Variants in CIPC observed in about 807,000 individuals in gnomAD.
CIPC encodes the protein CLOCK interacting pacemaker, also known as CLOCK-interacting pacemaker.
CIPC carries 12 observed loss-of-function variants against 26.7 expected under a neutral mutation model. That is an observed-to-expected ratio of 0.45 (90% CI 0.29 to 0.73). The LOEUF (loss-of-function observed/expected upper bound fraction) is 0.73. Ranked by LOEUF, CIPC falls within the 30% of genes least tolerant of loss-of-function variation. CIPC has a pLI of 0.12. For missense variants in CIPC, 417 were observed against 486.5 expected (o/e 0.86, Z 1.34); for synonymous variants, 170 against 189.8 (o/e 0.90, Z 0.86).
At chr14:77,098,488 G>T in intron 1 of CIPC, 127 bp downstream of exon 1, 1 of 153,678 alleles carries the variant, frequency 6.5e-6, no homozygotes. Flanking sequence ...GTAGGCAAGA[G>T]GGGCAAACCG....
intron 2 of CIPC, among the ~76,000 whole-genome samples, chr14:77,108,489 C>T (rs1886634739): frequency 1.3e-5 from 2 of 152,004 alleles, no homozygotes; most frequent in Admixed American, 6.6e-5. Flanking sequence ...GTCAGGAATT[C>T]GAGACCAGCC....
rs1009897142 is a variant in CIPC at position 77,113,756 on chromosome 14, C to T, written c.638C>T (p.Ser213Leu). Reference protein sequence around the residue: ...TKAGAVPSSPSTPAPPSAKLA... With the variant: ...TKAGAVPSSPLTPAPPSAKLA... ...GCTGGTGCTGTCCCATCCAGTCCCT[C>T]GACGCCAGCACCACCCAGCGCCAAA... Residue 213 changes from serine (S) to leucine (L), a missense_variant, in exon 4 of 4, where the codon TCG (serine) becomes TTG (leucine). Transcript: ENST00000361786. 1.1e-5 allele frequency: 17 copies of T among 1,612,812 alleles called. No individual in the cohort carries two copies. The highest frequency in any genetic ancestry group is 3.3e-5 in the South Asian group (3 of 90,972).
Position 77,115,667 on chromosome 14 carries a change from C to A in CIPC, c.*1349C>A. ...CTTTACAAAATTATCTTAATAAGTT[C>A]TATATGGTCAGCTTCATCTTCCTTT... On this transcript the variant is annotated 3_prime_UTR_variant, in exon 4 of 4. Coordinates refer to ENST00000361786, the MANE Select transcript of CIPC (RefSeq NM_033426.3). 6.6e-6 allele frequency: 1 copy of A among 151,012 alleles called. No individual in the cohort carries two copies. Among genetic ancestry groups the A allele is most frequent in the East Asian group, 1.9e-4 (1 of 5,168 alleles). The allele number at this position is 151,012 out of a possible 1,614,324, so 9.4% of individuals were successfully genotyped here.
rs187759864 is a variant in CIPC, at chr14:77,103,360, C to G, written c.-52-2297C>G. On this transcript the variant is annotated intron_variant, in intron 1 of 3. Transcript: ENST00000361786. ...TTAGCAGGAATGTCCAGACTTGGCA[C>G]TCCAGGGTATTCCAGATACAGTGGT... is the stretch of plus-strand genomic sequence containing the variant. Among the ~76,000 whole-genome samples the G allele has an allele frequency of 6.6e-5, 10 of 152,318 alleles. 1 individual carries two copies. In the East Asian group the frequency reaches 1.9e-3, roughly 29 times the overall value.
At position 77,112,404 on chromosome 14, in the gene CIPC, TCAGA is replaced by T. The variant is rs1414483428; in HGVS notation, c.307-1016_307-1013del. ...AGAATGGCTCAGATGGGTTTTAGAG[TCAGA>T]CAGAGGATGGAATCCTAACTGCATC... On this transcript the variant is annotated intron_variant, in intron 3 of 3. Coordinates refer to ENST00000361786, the MANE Select transcript of CIPC (RefSeq NM_033426.3). Among the ~76,000 whole-genome samples the T allele has an allele frequency of 3.9e-5, 6 of 152,040 alleles. No homozygotes were observed. The East Asian group carries it at 5.8e-4, about 15-fold the overall frequency.
rs1594824451 is a variant in CIPC at position 77,116,856 on chromosome 14, G to T, written c.*2538G>T. On this transcript the variant is annotated 3_prime_UTR_variant, in exon 4 of 4. Transcript: ENST00000361786. ...TTGCCCAAGGCTGTAAGTAGTGATGGTTTTAGCGATGAATAACGTAATTGG... is the reference window on the plus strand; with the variant it reads ...TTGCCCAAGGCTGTAAGTAGTGATGTTTTTAGCGATGAATAACGTAATTGG... The T allele has an allele frequency of 6.6e-6, 1 of 152,194 alleles. No homozygotes were observed. Among genetic ancestry groups the T allele is most frequent in the South Asian group, 2.1e-4 (1 of 4,832 alleles). 9.4% of individuals were successfully genotyped at this position (152,194 alleles called of 1,614,324 possible).
At chr14:77,100,556 T>C (rs1320663917) in intron 1 of CIPC, among the ~76,000 whole-genome samples, 1 of 149,628 alleles carries the variant, frequency 6.7e-6, no homozygotes. Flanking sequence ...ATTCTCTCTT[T>C]TCTTTTCTTT....
At chr14:77,106,046 T>G (rs1886585325) in intron 2 of CIPC, 1 of 425,140 alleles carries the variant, frequency 2.4e-6, no homozygotes, top group African/African-American at 2.0e-5. Flanking sequence ...AAAGAATTAT[T>G]TAACATCTTT....
At chr14:77,111,325 A>G (rs774166670) in intron 3 of CIPC, among the ~76,000 whole-genome samples, 1 of 152,226 alleles carries the variant, frequency 6.6e-6, no homozygotes, top group Non-Finnish European at 1.5e-5. Context: ...GACCCGCCAG[A>G]AAAGCTGCTG....
In CIPC at chr14:77,105,772, A is replaced by C; in HGVS notation, c.64A>C (p.Thr22Pro). Residue 22 changes from threonine (T) to proline (P), a missense_variant, in exon 2 of 4, where the codon ACA becomes CCA. By Grantham distance (38) the Thr-to-Pro change is conservative (BLOSUM62 -1). Coordinates refer to ENST00000361786, the MANE Select transcript of CIPC (RefSeq NM_033426.3). ...RRLSAKVGKG[T>P]EMKKVARQLG... is the part of the protein sequence containing the mutation. ...ACTCTCTGCCAAAGTAGGCAAAGGC[A>C]CAGAGATGAAGAAAGTGGCTCGTCA... 5 of 1,614,188 alleles carry C rather than the reference A, an allele frequency of 3.1e-6. No individual in the cohort carries two copies. Among genetic ancestry groups the C allele is most frequent in the Non-Finnish European group, 4.2e-6 (5 of 1,180,016 alleles).
Position 77,114,526 on chromosome 14 carries a change from C to G in CIPC, c.*208C>G, listed in dbSNP as rs184129771. ...ACATATGTCCCCGTCCCACTGAGGA[C>G]CTCAGTTTGGGAGTGCCCTTGAGCC... is the stretch of plus-strand genomic sequence containing the variant. On this transcript the variant is annotated 3_prime_UTR_variant, in exon 4 of 4. Transcript: ENST00000361786. 1 of 554,808 alleles carries G rather than the reference C, an allele frequency of 1.8e-6. No individual in the cohort carries two copies. Among genetic ancestry groups the G allele is most frequent in the Non-Finnish European group, 3.1e-6 (1 of 317,818 alleles). 34.4% of individuals were successfully genotyped at this position (554,808 alleles called of 1,614,324 possible).
At chr14:77,106,072 T>TTA in intron 2 of CIPC, 1 of 356,828 alleles carries the variant, frequency 2.8e-6, no homozygotes, top group Non-Finnish European at 5.0e-6. Flanking sequence ...ACTTAGACTC[T>TTA]GAATCTTACA....
At chr14:77,103,492 T>C (rs972413179) in intron 1 of CIPC, among the ~76,000 whole-genome samples, 2 of 152,192 alleles carry the variant, frequency 1.3e-5, no homozygotes, top group African/African-American at 4.8e-5. Flanking sequence ...TCTTCCCAGT[T>C]TCATTATTGT....
At chr14:77,106,199 T>C (rs762356102) in intron 2 of CIPC, 1 of 169,770 alleles carries the variant, frequency 5.9e-6, no homozygotes, top group Admixed American at 6.2e-5. Context: ...CTACTGCATG[T>C]AGTTTCCATG....
At chr14:77,108,422 T>A (rs1886633343) in intron 2 of CIPC, among the ~76,000 whole-genome samples, 1 of 152,156 alleles carries the variant, frequency 6.6e-6, no homozygotes, top group Admixed American at 6.5e-5. Flanking sequence ...CCGGGCGCGT[T>A]GCCTCACACC....
Position 77,098,298 on chromosome 14 carries a change from G to A in CIPC, c.-116G>A, listed in dbSNP as rs1037709159. ...GACGAGGTTGTCATGGTGCCGCGGG[G>A]CCGTGCTCGCGCATGCGCCACCTGA... On this transcript the variant is annotated 5_prime_UTR_variant, in exon 1 of 4. Transcript: ENST00000361786. 1.3e-5 allele frequency: 2 copies of A among 152,704 alleles called. No homozygotes were observed. The highest frequency in any genetic ancestry group is 4.8e-5 in the African/African-American group (2 of 41,454). The allele number at this position is 152,704 out of a possible 1,614,324, so 9.5% of individuals were successfully genotyped here.
rs760040435 is a variant in CIPC, at chr14:77,113,444, T to G, written c.326T>G (p.Leu109Arg). 10 of 1,614,008 alleles carry G rather than the reference T, an allele frequency of 6.2e-6. No individual in the cohort carries two copies. In the East Asian group the frequency reaches 1.8e-4, roughly 29 times the overall value. Residue 109 changes from leucine to arginine, a missense_variant, in exon 4 of 4, where the codon CTC (leucine) becomes CGC (arginine). Transcript: ENST00000361786. The stretch of plus-strand genomic sequence containing the variant: ...CTTCAGGGCAGCAGCTCATCCCAGC[T>G]CCAGTCGTGGACTGTCCAGCCCTCC... ...LVKQGSSSSQLQSWTVQPSFE... is the reference protein window; with the variant it reads ...LVKQGSSSSQRQSWTVQPSFE...
In CIPC at chr14:77,114,143, A is replaced by G. The variant is rs373322491; in HGVS notation, c.1025A>G (p.Gln342Arg). Residue 342 changes from glutamine to arginine, a missense_variant, in exon 4 of 4, where the codon CAG becomes CGG. Physicochemically the swap from Gln to Arg is conservative, Grantham distance 43. Coordinates refer to ENST00000361786, the MANE Select transcript of CIPC (RefSeq NM_033426.3). Reference protein sequence around the residue: ...ITLKTKELIRQNQATQVELDQ... With the variant: ...ITLKTKELIRRNQATQVELDQ... ...TTGAAAACCAAGGAGTTGATTCGTCAGAATCAGGCAACTCAGGTAGAACTA... is the reference window on the plus strand; with the variant it reads ...TTGAAAACCAAGGAGTTGATTCGTCGGAATCAGGCAACTCAGGTAGAACTA... 22 of 1,614,032 alleles carry G rather than the reference A, an allele frequency of 1.4e-5. No homozygotes were observed. Among genetic ancestry groups the G allele is most frequent in the East Asian group, 4.5e-5 (2 of 44,896 alleles).
At chr14:77,111,112 A>G (rs143050502) in intron 3 of CIPC, among the ~76,000 whole-genome samples, 458 of 152,348 alleles carry the variant, frequency 3.0e-3, no homozygotes, top group African/African-American at 9.7e-3. Flanking sequence ...CAGTGCTGCC[A>G]GTGCTTCTCC....
Sources: allele counts gnomAD v4.1 joint callset (sites outside exome capture counted in the v4.1 genomes callset), GRCh38; gene constraint gnomAD v4.1.1; transcripts MANE v1.5; gene names NCBI Gene and HGNC (gene_info 2026-07-23, HGNC 2026-07-21).